PPP2R2B: variants seen among roughly 807,000 people sequenced by gnomAD.
The protein encoded by PPP2R2B is protein phosphatase 2 regulatory subunit Bbeta.
A neutral mutation model predicts 46.0 loss-of-function variants in PPP2R2B; 5 were observed. The observed-to-expected ratio is 0.11, with a 90% CI of 0.06 to 0.23. The LOEUF is 0.23. Among genes scored for constraint, PPP2R2B ranks in the 10% least tolerant of loss-of-function variants. PPP2R2B has a pLI of 1.00. For synonymous variants in PPP2R2B, 215 were observed against 206.7 expected (o/e 1.04, Z -0.34); for missense variants, 367 against 575.0 (o/e 0.64, Z 3.70).
At chr5:146,601,964 C>T (rs1389341745) in intron 7 of PPP2R2B, among the ~76,000 whole-genome samples, 2 of 152,122 alleles carry the variant, frequency 1.3e-5, no homozygotes, top group African/African-American at 4.8e-5. Flanking sequence ...TCACAAACTG[C>T]CTCTAATTCT....
At chr5:147,049,442 G>T (rs145207453) in intron 1 of PPP2R2B, among the ~76,000 whole-genome samples, 48 of 152,204 alleles carry the variant, frequency 3.2e-4, no homozygotes, top group African/African-American at 1.0e-3. Flanking sequence ...GATTGGAAAG[G>T]TTGGCTAGGA....
chr5:146,938,803 G>T (rs1764236089), intron 1 of PPP2R2B, among the ~76,000 whole-genome samples: 1 of 106,600 alleles, frequency 9.4e-6, no homozygotes, highest in Admixed American at 1.5e-4. Context: ...TCCCTCTGTT[G>T]TCCAGGATGG....
intron 2 of PPP2R2B, among the ~76,000 whole-genome samples, chr5:146,770,263 G>A (rs933781647): frequency 2.0e-5 from 3 of 148,882 alleles, no homozygotes; most frequent in East Asian, 2.0e-4. Flanking sequence ...CCAGGCAGGC[G>A]GAGGTTGCAG....
At chr5:146,880,772 A>T (rs967893417), upstream of PPP2R2B, among the ~76,000 whole-genome samples, 3 of 152,048 alleles carry the variant, frequency 2.0e-5, no homozygotes, top group African/African-American at 7.2e-5. Context: ...CTCTGGGTTT[A>T]TTTATTTTTC....
chr5:146,953,779 G>T (rs1166284429), intron 1 of PPP2R2B, among the ~76,000 whole-genome samples: 1 of 152,094 alleles, frequency 6.6e-6, no homozygotes, highest in African/African-American at 2.4e-5. Flanking sequence ...GTTAAAAATA[G>T]GTTTCGGTGA....
chr5:146,869,814 C>T (rs562485098), intron 2 of PPP2R2B, among the ~76,000 whole-genome samples: 1 of 152,266 alleles, frequency 6.6e-6, no homozygotes, highest in East Asian at 1.9e-4. Context: ...TATAATAATG[C>T]AGTTGGCATG....
chr5:147,050,867 G>A (rs1484629733), intron 1 of PPP2R2B, among the ~76,000 whole-genome samples: 1 of 147,472 alleles, frequency 6.8e-6, no homozygotes, highest in Non-Finnish European at 1.5e-5. Flanking sequence ...ACATGCTTCC[G>A]GGTGTCACTG....
chr5:146,590,053 A>G lies in PPP2R2B; in HGVS notation c.1226T>C (p.Leu409Pro). 1 of 1,614,170 alleles carries G rather than the reference A, an allele frequency of 6.2e-7. No individual in the cohort carries two copies. The highest frequency in any genetic ancestry group is 8.5e-7 in the Non-Finnish European group (1 of 1,180,040). The stretch of plus-strand genomic sequence containing the variant: ...ATGCAAGATCTTTTTGCTAAAGTCC[A>G]GACTGTCGACACTGATCTCGTCTTT... The part of the protein sequence containing the change: ...RRKDEISVDS[L>P]DFSKKILHTA... Residue 409 changes from leucine (L) to proline (P), a missense_variant, in exon 10 of 10, where the codon CTG (leucine) becomes CCG (proline). Coordinates refer to ENST00000394411, the MANE Select transcript of PPP2R2B (RefSeq NM_181675.4).
intron 1 of PPP2R2B, among the ~76,000 whole-genome samples, chr5:146,988,692 T>G (rs1753546559): frequency 6.6e-6 from 1 of 151,482 alleles, no homozygotes; most frequent in African/African-American, 2.4e-5. Flanking sequence ...CAACCTAACA[T>G]TATACCTCAA....
chr5:146,668,899 G>A (rs1030711168), intron 5 of PPP2R2B, among the ~76,000 whole-genome samples: 1 of 152,184 alleles, frequency 6.6e-6, no homozygotes, highest in South Asian at 2.1e-4. Flanking sequence ...AGAGGTTATT[G>A]CCTTTGAGGA....
At chr5:146,796,413 A>G (rs575125789) in intron 2 of PPP2R2B, among the ~76,000 whole-genome samples, 1 of 152,280 alleles carries the variant, frequency 6.6e-6, no homozygotes, top group East Asian at 1.9e-4. Flanking sequence ...ATAGAACACC[A>G]CTTCCGTGGC....
At chr5:146,818,604 C>T (rs1219175369) in intron 2 of PPP2R2B, among the ~76,000 whole-genome samples, 1 of 152,174 alleles carries the variant, frequency 6.6e-6, no homozygotes, top group Non-Finnish European at 1.5e-5. Flanking sequence ...CGGGTTCTAT[C>T]CCCTTGCATC....
Position 146,620,653 on chromosome 5 carries a change from C to A in PPP2R2B, c.790+17598G>T, listed in dbSNP as rs143532961. On this transcript the variant is annotated intron_variant, in intron 7 of 9. Transcript: ENST00000394411. ...CTACAGCCAGTGGGCTCCGGGAACC[C>A]AATGGCAGCATCCCCAGGCCCCTGG... 4.2e-3 allele frequency among the ~76,000 whole-genome samples: 644 copies of A among 152,254 alleles called. 6 individuals carry two copies. The highest frequency in any genetic ancestry group is 0.015 in the African/African-American group (621 of 41,528).
At chr5:147,073,125 T>C (rs1757654205) in intron 2 of PPP2R2B, among the ~76,000 whole-genome samples, 1 of 152,238 alleles carries the variant, frequency 6.6e-6, no homozygotes, top group Non-Finnish European at 1.5e-5. Context: ...GCCTGGCACA[T>C]ACTAGGTGCT....
At chr5:147,008,928 G>T (rs1754578649) in intron 1 of PPP2R2B, among the ~76,000 whole-genome samples, 1 of 152,178 alleles carries the variant, frequency 6.6e-6, no homozygotes, top group Non-Finnish European at 1.5e-5. Flanking sequence ...AGTGTGGGAA[G>T]TGATATTCAC....
chr5:147,004,387 C>T (rs1754329951), intron 1 of PPP2R2B, among the ~76,000 whole-genome samples: 1 of 152,168 alleles, frequency 6.6e-6, no homozygotes, highest in Admixed American at 6.5e-5. Context: ...CCTTGCTGAG[C>T]CCTGGGTACA....
Position 146,702,842 on chromosome 5 carries a change from G to A in PPP2R2B, c.71-1700C>T, listed in dbSNP as rs75208747. 3.4e-3 allele frequency among the ~76,000 whole-genome samples: 522 copies of A among 152,112 alleles called. 2 individuals carry two copies. Among genetic ancestry groups the A allele is most frequent in the African/African-American group, 0.012 (485 of 41,482 alleles). On this transcript the variant is annotated intron_variant, in intron 2 of 9. Transcript: ENST00000394411. ...AACTAGAAATCTAGTTCATTTTCTCGAGAAGACTCCAGTGAATACTACCTT... is the reference window on the plus strand; with the variant it reads ...AACTAGAAATCTAGTTCATTTTCTCAAGAAGACTCCAGTGAATACTACCTT...
At chr5:146,785,476 A>T (rs1395719620) in intron 2 of PPP2R2B, among the ~76,000 whole-genome samples, 1 of 152,072 alleles carries the variant, frequency 6.6e-6, no homozygotes, top group African/African-American at 2.4e-5. Context: ...TGAGACCAGG[A>T]GGTGGAGGCT....
intron 1 of PPP2R2B, among the ~76,000 whole-genome samples, chr5:147,002,741 CG>C (rs1754237427): frequency 6.7e-6 from 1 of 148,620 alleles, no homozygotes; most frequent in South Asian, 2.1e-4. Flanking sequence ...GGGACCATTG[CG>C]GGTTCTCGGG....
Sources: allele counts gnomAD v4.1 joint callset (sites outside exome capture counted in the v4.1 genomes callset), GRCh38; gene constraint gnomAD v4.1.1; transcripts MANE v1.5; gene names NCBI Gene and HGNC (gene_info 2026-07-23, HGNC 2026-07-21).